The following VPS13B variants were observed in gnomAD, a reference collection of about 807,000 sequenced individuals.
The protein encoded by VPS13B is intermembrane lipid transfer protein VPS13B.
In VPS13B, 285 loss-of-function variants were observed where a neutral mutation model predicts 426.4. That is an observed-to-expected ratio of 0.67 (90% CI 0.61 to 0.74). The LOEUF is 0.74. Among genes scored for constraint, VPS13B ranks in the 30% least tolerant of loss-of-function variants. The probability of loss-of-function intolerance (pLI) is 0.00; values close to 1 mark genes in which losing one functional copy is unlikely to be tolerated. For missense variants in VPS13B, 4,537 were observed against 4,782.6 expected, an observed-to-expected ratio of 0.95 and a Z score of 1.51; for synonymous variants, 1,676 against 1,676.4, an observed-to-expected ratio of 1.00 and a Z score of 0.01.
intron 3 of VPS13B, among the ~76,000 whole-genome samples, chr8:99,046,186 G>A (rs1056649876): frequency 3.9e-5 from 6 of 152,136 alleles, no homozygotes; most frequent in African/African-American, 1.4e-4. Context: ...AGCATGAGAT[G>A]TGTTTCCATT....
At chr8:99,870,681 A>G (rs774585146) in intron 59 of VPS13B, 104 bp from the exon 60 acceptor site, 1 of 1,006,882 alleles carries the variant, frequency 9.9e-7, no homozygotes, top group Non-Finnish European at 1.6e-6. Context: ...ATCATTTTGG[A>G]TCTGTAACAT....
chr8:99,696,474 G>A (rs376875782), intron 35 of VPS13B: 15 of 392,386 alleles, frequency 3.8e-5, no homozygotes, highest in East Asian at 1.2e-4. Context: ...GATCCGCGCC[G>A]ACCTCCTCCG....
At chr8:99,045,507 G>T (rs566514814) in intron 3 of VPS13B, among the ~76,000 whole-genome samples, 1 of 152,094 alleles carries the variant, frequency 6.6e-6, no homozygotes, top group African/African-American at 2.4e-5. Context: ...TGGATTGTCT[G>T]TTTACTCTGC....
intron 3 of VPS13B, among the ~76,000 whole-genome samples, chr8:99,057,179 C>T (rs1023083177): frequency 1.1e-4 from 17 of 151,788 alleles, no homozygotes; most frequent in Non-Finnish European, 1.6e-4. Flanking sequence ...ATATCACCCA[C>T]AAAAAGTATT....
chr8:99,524,452 C>T (rs1237139239), intron 30 of VPS13B, among the ~76,000 whole-genome samples: 2 of 152,002 alleles, frequency 1.3e-5, no homozygotes, highest in Non-Finnish European at 2.9e-5. Context: ...TCCCAAAGGT[C>T]AAGGATAAAA....
intron 31 of VPS13B, among the ~76,000 whole-genome samples, chr8:99,565,987 GA>G (rs1354294972): frequency 2.6e-5 from 4 of 152,226 alleles, no homozygotes; most frequent in Non-Finnish European, 5.9e-5. Flanking sequence ...GCCTTTACAT[GA>G]AAAATGTGAA....
chr8:99,105,961 A>T (rs1273122658), intron 5 of VPS13B, among the ~76,000 whole-genome samples: 1 of 152,216 alleles, frequency 6.6e-6, no homozygotes, highest in Non-Finnish European at 1.5e-5. Flanking sequence ...GACAGTGAAA[A>T]TAGTATCTTC....
chr8:99,572,548 T>G (rs11775240), intron 31 of VPS13B, among the ~76,000 whole-genome samples: 26,497 of 151,612 alleles, frequency 0.17, 2,852 homozygotes, highest in East Asian at 0.39. Flanking sequence ...GTGAGAACAT[T>G]CGGTGTTTGG....
intron 19 of VPS13B, among the ~76,000 whole-genome samples, chr8:99,365,402 A>G (rs1812806372): frequency 6.6e-6 from 1 of 150,650 alleles, no homozygotes; most frequent in Non-Finnish European, 1.5e-5. Flanking sequence ...GTATTTGTTT[A>G]TAGCTATAAA....
chr8:99,121,708 T>C, intron 8 of VPS13B: 1 of 867,536 alleles, frequency 1.2e-6, no homozygotes. Context: ...AATCATTCAG[T>C]TGGTGTACAA....
intron 35 of VPS13B, among the ~76,000 whole-genome samples, chr8:99,664,328 T>A (rs77550998): frequency 6.7e-6 from 1 of 149,804 alleles, no homozygotes; most frequent in Non-Finnish European, 1.5e-5. Context: ...TTTTTTTTTT[T>A]AATCATACTT....
intron 55 of VPS13B, among the ~76,000 whole-genome samples, chr8:99,852,733 A>G (rs1027088264): frequency 3.9e-5 from 6 of 152,202 alleles, no homozygotes; most frequent in African/African-American, 1.2e-4. Context: ...GACAGTGTGT[A>G]TAGAACACAC....
In VPS13B at chr8:99,642,422, C is replaced by T. The variant is rs372340783; in HGVS notation, c.5832C>T (p.His1944=). The T allele has an allele frequency of 1.2e-6, 2 of 1,613,942 alleles. No homozygotes were observed. Among genetic ancestry groups the T allele is most frequent in the Non-Finnish European group, 1.7e-6 (2 of 1,179,994 alleles). ...VSQPSLLLSC[H]HRKQRVEVSI... Reference sequence around the variant, plus strand: ...AGCCTTCCTTGCTTCTGAGTTGTCACCACAGAAAGCAGCGAGTGGAAGTAT... The same window carrying T: ...AGCCTTCCTTGCTTCTGAGTTGTCATCACAGAAAGCAGCGAGTGGAAGTAT... The change falls in exon 34 of 62, where the codon CAC becomes CAT. Residue 1944 remains histidine (H), a synonymous_variant. Coordinates refer to ENST00000357162, the MANE Select transcript of VPS13B (RefSeq NM_152564.5).
chr8:99,162,790 C>CAAAG (rs1811743693), intron 15 of VPS13B, among the ~76,000 whole-genome samples: 1 of 152,130 alleles, frequency 6.6e-6, no homozygotes, highest in African/African-American at 2.4e-5. Flanking sequence ...AGCGAAAGAA[C>CAAAG]AAAGCTTCCA....
At chr8:99,608,164 T>G (rs1377668509) in intron 33 of VPS13B, among the ~76,000 whole-genome samples, 1 of 151,838 alleles carries the variant, frequency 6.6e-6, no homozygotes, top group Admixed American at 6.6e-5. Flanking sequence ...TTTTTTTTTT[T>G]TTGAGACAGG....
At chr8:99,844,430 C>T (rs1474270773) in intron 54 of VPS13B, among the ~76,000 whole-genome samples, 1 of 151,030 alleles carries the variant, frequency 6.6e-6, no homozygotes. Context: ...TGCAGTGGCC[C>T]GGTCTCGGCT....
chr8:99,279,800 C>T (rs1588203582), intron 19 of VPS13B, among the ~76,000 whole-genome samples: 2 of 151,994 alleles, frequency 1.3e-5, no homozygotes, highest in African/African-American at 2.4e-5. Context: ...TATGGAGTCT[C>T]GTACTGTCGC....
intron 16 of VPS13B, among the ~76,000 whole-genome samples, chr8:99,177,764 T>G (rs1812714983): frequency 6.6e-6 from 1 of 152,214 alleles, no homozygotes; most frequent in Non-Finnish European, 1.5e-5. Context: ...TTACAACTCA[T>G]TCTTAGCTTA....
At chr8:99,831,976 C>T (rs771053012) in intron 51 of VPS13B, among the ~76,000 whole-genome samples, 22 of 152,110 alleles carry the variant, frequency 1.4e-4, no homozygotes, top group Admixed American at 1.0e-3. Flanking sequence ...ATGTGCTTTA[C>T]GGGGCCAGGC....
Sources: allele counts gnomAD v4.1 joint callset (sites outside exome capture counted in the v4.1 genomes callset), GRCh38; gene constraint gnomAD v4.1.1; transcripts MANE v1.5; gene names NCBI Gene and HGNC (gene_info 2026-07-23, HGNC 2026-07-21).